The following LOC122539214 variants were observed in gnomAD, a reference collection of about 807,000 sequenced individuals.
At chr19:52,689,729 T>C in the LOC122539214 span, among the ~76,000 whole-genome samples, 1 of 151,214 alleles carries the variant, frequency 6.6e-6, no homozygotes, top group East Asian at 1.9e-4. Context: ...TTCTTTTCTC[T>C]GTCTCAGGTT....
the LOC122539214 span, chr19:52,654,382 G>A: frequency 6.6e-4 from 765 of 1,165,934 alleles, no homozygotes; most frequent in Admixed American, 8.5e-4. Flanking sequence ...TGAGAACTCC[G>A]TCATGGATTT....
At chr19:52,689,142 G>A in the LOC122539214 span, among the ~76,000 whole-genome samples, 1 of 152,108 alleles carries the variant, frequency 6.6e-6, no homozygotes, top group Non-Finnish European at 1.5e-5. Context: ...ACCTGTCACT[G>A]TATAATTAAC....
At chr19:52,682,683 GAAA>G in the LOC122539214 span, among the ~76,000 whole-genome samples, 3 of 9,518 alleles carry the variant, frequency 3.2e-4, no homozygotes, top group Non-Finnish European at 9.4e-4. Flanking sequence ...ACAAGAAAAA[GAAA>G]AAGAAAAAGA....
chr19:52,687,395 T>A, the LOC122539214 span, among the ~76,000 whole-genome samples: 3 of 49,062 alleles, frequency 6.1e-5, no homozygotes, highest in African/African-American at 3.3e-4. Flanking sequence ...ATATATATAA[T>A]TTATATAGCT....
chr19:52,689,603 T>C, the LOC122539214 span, among the ~76,000 whole-genome samples: 1 of 152,232 alleles, frequency 6.6e-6, no homozygotes. Flanking sequence ...TCTCTACATT[T>C]CTGCACTTGC....
At chr19:52,684,135 G>A in the LOC122539214 span, among the ~76,000 whole-genome samples, 3 of 152,028 alleles carry the variant, frequency 2.0e-5, no homozygotes, top group Non-Finnish European at 4.4e-5. Flanking sequence ...CTGGGAGGCC[G>A]AGGCTGGTGG....
the LOC122539214 span, among the ~76,000 whole-genome samples, chr19:52,668,425 C>T: frequency 2.8e-3 from 421 of 152,274 alleles, 3 homozygotes; most frequent in Non-Finnish European, 4.0e-3. Context: ...GTGCTTATAT[C>T]CATTACTATT....
At chr19:52,670,327 A>G in the LOC122539214 span, among the ~76,000 whole-genome samples, 1 of 152,182 alleles carries the variant, frequency 6.6e-6, no homozygotes, top group African/African-American at 2.4e-5. Flanking sequence ...TTGGAATTAG[A>G]TTAGCCTGTG....
the LOC122539214 span, among the ~76,000 whole-genome samples, chr19:52,669,778 G>T: frequency 6.6e-6 from 1 of 152,134 alleles, no homozygotes; most frequent in Non-Finnish European, 1.5e-5. Flanking sequence ...CTTGTCAGGT[G>T]CTCTGTCACA....
the LOC122539214 span, among the ~76,000 whole-genome samples, chr19:52,679,519 G>A: frequency 1.3e-5 from 2 of 152,306 alleles, no homozygotes; most frequent in East Asian, 3.9e-4. Context: ...GCTCAGGCAG[G>A]AGAATTGCTT....
the LOC122539214 span, among the ~76,000 whole-genome samples, chr19:52,671,654 G>A: frequency 1.3e-5 from 2 of 152,026 alleles, no homozygotes; most frequent in Non-Finnish European, 2.9e-5. Flanking sequence ...TGATGCTCAG[G>A]CTAGCCTTCA....
chr19:52,689,034 A>C, the LOC122539214 span, among the ~76,000 whole-genome samples: 1 of 151,822 alleles, frequency 6.6e-6, no homozygotes, highest in Non-Finnish European at 1.5e-5. Flanking sequence ...ATGTTTTACA[A>C]ATGTCTGTAT....
the LOC122539214 span, among the ~76,000 whole-genome samples, chr19:52,663,154 C>T: frequency 1.3e-5 from 2 of 151,816 alleles, no homozygotes; most frequent in African/African-American, 2.4e-5. Context: ...CAGAGTGACA[C>T]TCCATCTCAA....
the LOC122539214 span, among the ~76,000 whole-genome samples, chr19:52,677,798 T>G: frequency 6.6e-6 from 1 of 151,930 alleles, no homozygotes; most frequent in Non-Finnish European, 1.5e-5. Context: ...CTTTGGGAAG[T>G]GGAGGTGGGT....
At chr19:52,670,417 T>C in the LOC122539214 span, among the ~76,000 whole-genome samples, 2 of 152,188 alleles carry the variant, frequency 1.3e-5, no homozygotes, top group Admixed American at 6.5e-5. Flanking sequence ...CCCTCCCTTG[T>C]TCAGGTACGC....
chr19:52,655,500 C>T, the LOC122539214 span: 23 of 1,384,770 alleles, frequency 1.7e-5, no homozygotes, highest in South Asian at 2.3e-4. Flanking sequence ...GAATACAAAA[C>T]CAGGAAGAGC....
chr19:52,673,955 G>A, the LOC122539214 span, among the ~76,000 whole-genome samples: 565 of 141,780 alleles, frequency 4.0e-3, 1 homozygote, highest in African/African-American at 0.013. Flanking sequence ...GGTGGAGGCC[G>A]CAGTGAGTCG....
the LOC122539214 span, among the ~76,000 whole-genome samples, chr19:52,676,020 C>G: frequency 2.0e-5 from 3 of 152,068 alleles, no homozygotes; most frequent in Non-Finnish European, 2.9e-5. Flanking sequence ...GAAACCCTGT[C>G]TCTACTAACA....
chr19:52,674,650 A>G, the LOC122539214 span, among the ~76,000 whole-genome samples: 1 of 152,188 alleles, frequency 6.6e-6, no homozygotes, highest in Admixed American at 6.5e-5. Context: ...AAAGGAAATT[A>G]AGAAAACACT....
Sources: allele counts gnomAD v4.1 joint callset (sites outside exome capture counted in the v4.1 genomes callset), GRCh38; gene constraint gnomAD v4.1.1; transcripts MANE v1.5.